Variants in SNCAIP observed in about 807,000 individuals in gnomAD.
SNCAIP encodes synphilin-1.
Under a neutral mutation model 86.7 loss-of-function variants are expected in SNCAIP, and 43 were observed. The observed-to-expected ratio is 0.50, with a 90% CI of 0.39 to 0.64. The LOEUF is 0.64. Among genes scored for constraint, SNCAIP ranks in the 30% least tolerant of loss-of-function variants. SNCAIP has a pLI of 0.00. For synonymous variants in SNCAIP, 417 were observed against 427.2 expected, an observed-to-expected ratio of 0.98 and a Z score of 0.29; for missense variants, 981 against 1,103.1, an observed-to-expected ratio of 0.89 and a Z score of 1.57.
Position 122,383,122 on chromosome 5 carries a change from A to G in SNCAIP, c.-46-7967A>G, listed in dbSNP as rs938080549. Among the ~76,000 whole-genome samples, 48 of 152,284 alleles carry G rather than the reference A, an allele frequency of 3.2e-4. No homozygotes were observed. In the Middle Eastern group the frequency reaches 0.017, roughly 54 times the overall value. On this transcript the variant is annotated intron_variant, in intron 1 of 10. Coordinates refer to ENST00000261368, the MANE Select transcript of SNCAIP (RefSeq NM_005460.4). ...TTACCTAGCAAGCCTGGGCAATGGCAGGCGCCCCTCCCCCAGCCTCGCTGC... is the reference window on the plus strand; with the variant it reads ...TTACCTAGCAAGCCTGGGCAATGGCGGGCGCCCCTCCCCCAGCCTCGCTGC...
At chr5:122,399,428 C>A (rs1771309161) in intron 2 of SNCAIP, among the ~76,000 whole-genome samples, 1 of 152,014 alleles carries the variant, frequency 6.6e-6, no homozygotes, top group African/African-American at 2.4e-5. Flanking sequence ...AATCCATTGT[C>A]CTTTATACAA....
chr5:122,316,666 C>T (rs544939250), intron 1 of SNCAIP, among the ~76,000 whole-genome samples: 31 of 152,296 alleles, frequency 2.0e-4, no homozygotes, highest in Admixed American at 1.8e-3. Flanking sequence ...CGGTCTGGCA[C>T]AATGCCTCAT....
chr5:122,403,135 G>A (rs747410066), intron 2 of SNCAIP, among the ~76,000 whole-genome samples: 1 of 152,152 alleles, frequency 6.6e-6, no homozygotes, highest in East Asian at 1.9e-4. Context: ...CCTCTGAGTC[G>A]GTGCTGAAAC....
chr5:122,323,551 G>GGT (rs1438063909), intron 1 of SNCAIP, among the ~76,000 whole-genome samples: 2 of 152,316 alleles, frequency 1.3e-5, no homozygotes, highest in East Asian at 3.9e-4. Context: ...TGGAAGCACA[G>GGT]GTGTGTGCAC....
At chr5:122,413,661 A>G (rs1429929962) in intron 3 of SNCAIP, among the ~76,000 whole-genome samples, 5 of 152,162 alleles carry the variant, frequency 3.3e-5, no homozygotes, top group African/African-American at 1.2e-4. Context: ...GTCTAAGAGT[A>G]CCATAGCATT....
chr5:122,429,724 A>G (rs1778016728), intron 5 of SNCAIP, among the ~76,000 whole-genome samples: 1 of 152,168 alleles, frequency 6.6e-6, no homozygotes, highest in African/African-American at 2.4e-5. Context: ...AAGGGATTAT[A>G]TATAAAAGGA....
chr5:122,370,894 G>A (rs910785650), intron 1 of SNCAIP, among the ~76,000 whole-genome samples: 2 of 152,094 alleles, frequency 1.3e-5, no homozygotes, highest in Non-Finnish European at 2.9e-5. Context: ...ACTATTTGTG[G>A]AAATTTGAGA....
intron 8 of SNCAIP, among the ~76,000 whole-genome samples, chr5:122,446,468 G>A (rs544440303): frequency 6.6e-6 from 1 of 152,312 alleles, no homozygotes; most frequent in East Asian, 1.9e-4. Context: ...TTTTATTGGT[G>A]AACTGCTCAA....
At chr5:122,366,118 G>A (rs112782053) in intron 1 of SNCAIP, among the ~76,000 whole-genome samples, 8 of 152,116 alleles carry the variant, frequency 5.3e-5, no homozygotes, top group East Asian at 3.9e-4. Flanking sequence ...TAGAGAATTC[G>A]TTACTCCAAT....
intron 1 of SNCAIP, among the ~76,000 whole-genome samples, chr5:122,339,576 A>T (rs1411257210): frequency 6.6e-6 from 1 of 152,188 alleles, no homozygotes; most frequent in Non-Finnish European, 1.5e-5. Context: ...AAAATTGGAC[A>T]CCACCTTCCT....
chr5:122,461,105 T>C (rs145025360), intron 10 of SNCAIP, among the ~76,000 whole-genome samples: 1 of 152,316 alleles, frequency 6.6e-6, no homozygotes, highest in East Asian at 1.9e-4. Flanking sequence ...ATATCTTCAA[T>C]TTACCAGATT....
Position 122,402,970 on chromosome 5 carries a change from T to A in SNCAIP, c.58-823T>A, listed in dbSNP as rs1044746153. The stretch of plus-strand genomic sequence containing the variant: ...ACTTGGCCTTTGATTAAAGAACAAT[T>A]TCATTTTATTTATTTTATTTTAAAA... On this transcript the variant is annotated intron_variant, in intron 2 of 10. Coordinates refer to ENST00000261368, the MANE Select transcript of SNCAIP (RefSeq NM_005460.4). 3.9e-5 allele frequency among the ~76,000 whole-genome samples: 6 copies of A among 152,154 alleles called. 1 individual carries two copies. The South Asian group carries it at 8.3e-4, about 21-fold the overall frequency.
rs77538130 is a variant in SNCAIP, at chr5:122,350,184, C to T, written c.-47+37900C>T. ...TTTGGAATACGTTAAGCATGGTAATCGCTGAATTCGAGGGTCCATCCCAGC... is the reference window on the plus strand; with the variant it reads ...TTTGGAATACGTTAAGCATGGTAATTGCTGAATTCGAGGGTCCATCCCAGC... On this transcript the variant is annotated intron_variant, in intron 1 of 10. Transcript: ENST00000261368. Among the ~76,000 whole-genome samples the T allele has an allele frequency of 2.2e-3, 332 of 152,208 alleles. 3 individuals carry two copies. Among genetic ancestry groups the T allele is most frequent in the African/African-American group, 7.5e-3 (310 of 41,538 alleles).
In SNCAIP at chr5:122,391,061, CT is replaced by C. The variant is rs1052302878; in HGVS notation, c.-46-25del. 3.8e-5 allele frequency: 51 copies of C among 1,324,690 alleles called. No individual in the cohort carries two copies. The Middle Eastern group carries it at 1.3e-3, about 33-fold the overall frequency. 82.1% of individuals were successfully genotyped at this position (1,324,690 alleles called of 1,614,324 possible). On this transcript the variant is annotated intron_variant, in intron 1 of 10. Coordinates refer to ENST00000261368, the MANE Select transcript of SNCAIP (RefSeq NM_005460.4). ...TTGTAAAACGGCTAAATTTTTTTGCCTTTCTTTTCTGCTTCTGTCTCGTTCA... is the reference window on the plus strand; with the variant it reads ...TTGTAAAACGGCTAAATTTTTTTGCCTTCTTTTCTGCTTCTGTCTCGTTCA...
intron 1 of SNCAIP, among the ~76,000 whole-genome samples, chr5:122,386,290 A>G (rs1018308699): frequency 7.9e-5 from 12 of 152,078 alleles, no homozygotes; most frequent in South Asian, 4.1e-4. Flanking sequence ...TTGCTTGTCT[A>G]TTTTTTTATT....
At chr5:122,379,033 G>A (rs1489834230) in intron 1 of SNCAIP, among the ~76,000 whole-genome samples, 1 of 106,046 alleles carries the variant, frequency 9.4e-6, no homozygotes, top group Non-Finnish European at 1.9e-5. Flanking sequence ...CTCTTTTTTG[G>A]TTCCATATGA....
chr5:122,349,048 C>T (rs1759243336), intron 1 of SNCAIP, among the ~76,000 whole-genome samples: 1 of 152,070 alleles, frequency 6.6e-6, no homozygotes, highest in Admixed American at 6.6e-5. Context: ...TAGATTGACC[C>T]TTTTCTGTTA....
At chr5:122,336,971 A>C (rs1417009381) in intron 1 of SNCAIP, 1 of 152,170 alleles carries the variant, frequency 6.6e-6, no homozygotes, top group Non-Finnish European at 1.5e-5. Context: ...CATCTTATGA[A>C]AACAGGACTA....
At chr5:122,358,159 T>G (rs919130690) in intron 1 of SNCAIP, among the ~76,000 whole-genome samples, 1 of 138,024 alleles carries the variant, frequency 7.2e-6, no homozygotes, top group South Asian at 2.5e-4. Flanking sequence ...ATTTGTTTCT[T>G]TGTGTGTGTG....
Sources: allele counts gnomAD v4.1 joint callset (sites outside exome capture counted in the v4.1 genomes callset), GRCh38; gene constraint gnomAD v4.1.1; transcripts MANE v1.5; gene names NCBI Gene and HGNC (gene_info 2026-07-23, HGNC 2026-07-21).